Variants in C1orf21 observed in about 807,000 individuals in gnomAD.
C1orf21 encodes uncharacterized protein C1orf21.
A neutral mutation model predicts 18.7 loss-of-function variants in C1orf21; 3 were observed. The observed-to-expected ratio is 0.16, with a 90% CI of 0.07 to 0.42. The LOEUF (loss-of-function observed/expected upper bound fraction) is 0.42. C1orf21 is among the 10% of genes least tolerant of loss of function. The probability of loss-of-function intolerance (pLI) is 0.99; values close to 1 mark genes in which losing one functional copy is unlikely to be tolerated. For missense variants in C1orf21, 104 were observed against 143.6 expected (o/e 0.72, Z 1.41); for synonymous variants, 41 against 46.4 (o/e 0.88, Z 0.47).
intron 4 of C1orf21, among the ~76,000 whole-genome samples, chr1:184,595,694 G>A (rs1659502266): frequency 6.6e-6 from 1 of 152,144 alleles, no homozygotes; most frequent in African/African-American, 2.4e-5. Flanking sequence ...GACCCGTGTG[G>A]GCATTTGCTC....
chr1:184,496,452 C>T (rs570320099), intron 2 of C1orf21, among the ~76,000 whole-genome samples: 1 of 152,324 alleles, frequency 6.6e-6, no homozygotes, highest in Admixed American at 6.5e-5. Context: ...GGATTTCGGG[C>T]ACACCTCTCT....
At chr1:184,604,701 T>G (rs144891654) in intron 5 of C1orf21, among the ~76,000 whole-genome samples, 3 of 152,342 alleles carry the variant, frequency 2.0e-5, no homozygotes, top group African/African-American at 7.2e-5. Context: ...ATTGTCATGA[T>G]GATGACACTG....
chr1:184,565,917 G>C (rs2101987833), intron 3 of C1orf21, among the ~76,000 whole-genome samples: 1 of 151,930 alleles, frequency 6.6e-6, no homozygotes, highest in African/African-American at 2.4e-5. Context: ...TAAATTTTCT[G>C]TTTAATGTTG....
At chr1:184,525,176 A>C (rs1658360977) in intron 3 of C1orf21, among the ~76,000 whole-genome samples, 1 of 151,920 alleles carries the variant, frequency 6.6e-6, no homozygotes, top group African/African-American at 2.4e-5. Flanking sequence ...TAAAACCTCT[A>C]TTTTATTTTT....
chr1:184,420,359 A>C (rs1320518116), intron 1 of C1orf21, among the ~76,000 whole-genome samples: 1 of 152,174 alleles, frequency 6.6e-6, no homozygotes, highest in African/African-American at 2.4e-5. Flanking sequence ...CACGTAAGAC[A>C]TGGGATTTCA....
At chr1:184,413,997 A>G (rs1441558155) in intron 1 of C1orf21, among the ~76,000 whole-genome samples, 12 of 152,130 alleles carry the variant, frequency 7.9e-5, no homozygotes, top group Admixed American at 7.9e-4. Flanking sequence ...TTCTTGTGTG[A>G]TTTACAATAA....
At chr1:184,434,853 G>A (rs1656834032) in intron 1 of C1orf21, among the ~76,000 whole-genome samples, 1 of 152,212 alleles carries the variant, frequency 6.6e-6, no homozygotes, top group Non-Finnish European at 1.5e-5. Context: ...GCAAGGTCTT[G>A]CAGGAGTTTG....
chr1:184,523,942 C>A (rs1215936434), intron 3 of C1orf21, among the ~76,000 whole-genome samples: 1 of 152,112 alleles, frequency 6.6e-6, no homozygotes, highest in East Asian at 1.9e-4. Context: ...AAATGAGCCT[C>A]CCTCCAAAAA....
At chr1:184,457,197 G>T (rs1409120958) in intron 1 of C1orf21, among the ~76,000 whole-genome samples, 1 of 152,200 alleles carries the variant, frequency 6.6e-6, no homozygotes, top group African/African-American at 2.4e-5. Flanking sequence ...GAAGGAACTT[G>T]TTGAGGACAT....
intron 1 of C1orf21, among the ~76,000 whole-genome samples, chr1:184,450,502 T>A (rs1318752509): frequency 6.6e-6 from 1 of 152,148 alleles, no homozygotes; most frequent in Non-Finnish European, 1.5e-5. Flanking sequence ...GTGAGCTTTA[T>A]GATGACAGGT....
Position 184,410,647 on chromosome 1 carries a change from ATATATATATATATATATTTTT to A in C1orf21, c.-125+23281_-125+23301del, listed in dbSNP as rs1557965076. ...TATATATATATATATATATATATAT[ATATATATATATATATATTTTT>A]TTTTTTTTTTTTTGAGATGGAGTTT... On this transcript the variant is annotated intron_variant, in intron 1 of 5. Transcript: ENST00000235307. 9.6e-4 allele frequency among the ~76,000 whole-genome samples: 5 copies of A among 5,204 alleles called. 1 individual carries two copies. The African/African-American group carries it at 0.021, about 22-fold the overall frequency. 3.4% of individuals were successfully genotyped at this position (5,204 alleles called of 152,430 possible). A position where few individuals can be genotyped will look rare whatever the true frequency, so the allele number is the denominator to read the frequency against.
chr1:184,391,997 C>A (rs1018916005), intron 1 of C1orf21, among the ~76,000 whole-genome samples: 2 of 152,158 alleles, frequency 1.3e-5, no homozygotes, highest in African/African-American at 4.8e-5. Flanking sequence ...CGTGAGCCAC[C>A]GTGCCCGGCC....
intron 2 of C1orf21, among the ~76,000 whole-genome samples, chr1:184,506,908 A>G (rs1658071195): frequency 6.6e-6 from 1 of 152,052 alleles, no homozygotes; most frequent in African/African-American, 2.4e-5. Context: ...CTACCATTTC[A>G]TCTGTTAGGT....
intron 3 of C1orf21, among the ~76,000 whole-genome samples, chr1:184,537,508 G>A (rs142482779): frequency 6.3e-4 from 96 of 152,140 alleles, no homozygotes; most frequent in African/African-American, 2.2e-3. Context: ...ATAATATTCC[G>A]TTGTATGTAT....
At chr1:184,441,852 A>G (rs779732287) in intron 1 of C1orf21, among the ~76,000 whole-genome samples, 9 of 152,168 alleles carry the variant, frequency 5.9e-5, no homozygotes, top group African/African-American at 1.9e-4. Flanking sequence ...GTGTAGGCCC[A>G]TTTTGCAAGT....
intron 1 of C1orf21, among the ~76,000 whole-genome samples, chr1:184,438,392 T>C (rs2101973814): frequency 6.6e-6 from 1 of 152,336 alleles, no homozygotes; most frequent in Middle Eastern, 3.4e-3. Context: ...TGGTGTGTTC[T>C]TCTATGGCAA....
At chr1:184,584,531 A>G (rs1219953219) in intron 3 of C1orf21, among the ~76,000 whole-genome samples, 2 of 152,192 alleles carry the variant, frequency 1.3e-5, no homozygotes, top group African/African-American at 4.8e-5. Context: ...ATAATGAAAC[A>G]TAAACTTACT....
chr1:184,468,511 A>G (rs979735680), intron 1 of C1orf21, among the ~76,000 whole-genome samples: 1 of 152,252 alleles, frequency 6.6e-6, no homozygotes, highest in Non-Finnish European at 1.5e-5. Context: ...TCAAAGTATT[A>G]TAATACTACA....
chr1:184,413,024 A>C (rs187645971), intron 1 of C1orf21, among the ~76,000 whole-genome samples: 2 of 152,188 alleles, frequency 1.3e-5, no homozygotes, highest in Non-Finnish European at 1.5e-5. Flanking sequence ...GCATTGTGAG[A>C]CACCACGTTT....
Sources: gnomAD v4.1 joint callset for allele counts (sites outside exome capture counted in the v4.1 genomes callset) on GRCh38, gnomAD v4.1.1 for gene constraint, MANE v1.5 for transcripts, NCBI Gene and HGNC (gene_info 2026-07-23, HGNC 2026-07-21) for gene names.